PARP8: variants seen among roughly 807,000 people sequenced by gnomAD.
The protein encoded by PARP8 is protein mono-ADP-ribosyltransferase PARP8.
In PARP8, 51 loss-of-function variants were observed where a neutral mutation model predicts 124.1. The observed-to-expected ratio is 0.41, with a 90% confidence interval of 0.33 to 0.52. PARP8 has a LOEUF of 0.52. PARP8 is among the 20% of genes least tolerant of loss of function. The pLI, the probability that PARP8 is intolerant of heterozygous loss-of-function variation, is 0.21. For synonymous variants in PARP8, 391 were observed against 361.5 expected (o/e 1.08, Z -0.93); for missense variants, 860 against 1,018.9 (o/e 0.84, Z 2.12).
intron 18 of PARP8, among the ~76,000 whole-genome samples, chr5:50,825,656 C>T (rs1317990488): frequency 6.6e-6 from 1 of 152,180 alleles, no homozygotes; most frequent in East Asian, 1.9e-4. Context: ...TACTCAACAT[C>T]CCTTATAAGG....
intron 2 of PARP8, among the ~76,000 whole-genome samples, chr5:50,692,772 A>G (rs1036362503): frequency 5.3e-5 from 8 of 152,248 alleles, no homozygotes; most frequent in Admixed American, 5.2e-4. Context: ...CACCCGGCTC[A>G]TCATTCCTCT....
intron 14 of PARP8, among the ~76,000 whole-genome samples, chr5:50,798,908 A>T (rs530278437): frequency 6.6e-6 from 1 of 152,230 alleles, no homozygotes; most frequent in East Asian, 1.9e-4. Context: ...TCATATTTTT[A>T]AATTGGGTTA....
rs186540295 is a variant in PARP8, at chr5:50,826,827, C to A, written c.1977+24C>A. ...GGGTAAGTTGTTTTTTTTTTTTTTACATATGCATACAGAAATGGGAGGAGT... is the reference window on the plus strand; with the variant it reads ...GGGTAAGTTGTTTTTTTTTTTTTTAAATATGCATACAGAAATGGGAGGAGT... On this transcript the variant is annotated intron_variant, in intron 19 of 25. Transcript: ENST00000281631. 673 of 1,533,090 alleles carry A rather than the reference C, an allele frequency of 4.4e-4. 2 individuals are homozygous for A. In the African/African-American group the frequency reaches 7.9e-3, roughly 18 times the overall value. The allele number at this position is 1,533,090 out of a possible 1,614,324, so 95.0% of individuals were successfully genotyped here. A position where few individuals can be genotyped will look rare whatever the true frequency, so the allele number is the denominator to read the frequency against.
At position 50,800,006 on chromosome 5, in the gene PARP8, C is replaced by T. The variant is rs75200724; in HGVS notation, c.1575+2773C>T. 7.8e-3 allele frequency among the ~76,000 whole-genome samples: 1,183 copies of T among 152,220 alleles called. 15 individuals carry two copies. Among genetic ancestry groups the T allele is most frequent in the African/African-American group, 0.026 (1,071 of 41,522 alleles). On this transcript the variant is annotated intron_variant, in intron 14 of 25. Coordinates refer to ENST00000281631, the MANE Select transcript of PARP8 (RefSeq NM_024615.4). Reference sequence around the variant, plus strand: ...TATAAGCCACCCAGCCTATGGTATTCGATTACAGCAGCCGGAATAGACCAA... The same window carrying T: ...TATAAGCCACCCAGCCTATGGTATTTGATTACAGCAGCCGGAATAGACCAA...
Position 50,666,860 on chromosome 5 carries a change from C to G in PARP8, c.-236C>G. On this transcript the variant is annotated 5_prime_UTR_variant, in exon 1 of 26. Transcript: ENST00000281631. ...GAAATTGGAATCCAGCAGCGGCGAG[C>G]AGCAGCTGGGCGGTCACATCTGGGA... 1.5e-6 allele frequency: 2 copies of G among 1,364,254 alleles called. No homozygotes were observed. Among genetic ancestry groups the G allele is most frequent in the Non-Finnish European group, 1.9e-6 (2 of 1,058,176 alleles). 84.5% of individuals were successfully genotyped at this position (1,364,254 alleles called of 1,614,324 possible). A position where few individuals can be genotyped will look rare whatever the true frequency, so the allele number is the denominator to read the frequency against.
chr5:50,795,640 G>A (rs1742456100), intron 12 of PARP8, among the ~76,000 whole-genome samples: 1 of 152,100 alleles, frequency 6.6e-6, no homozygotes, highest in Non-Finnish European at 1.5e-5. Flanking sequence ...TTCATTTGAA[G>A]TCCAGTTCAA....
intron 2 of PARP8, among the ~76,000 whole-genome samples, chr5:50,737,988 C>T (rs990046848): frequency 3.3e-5 from 5 of 152,120 alleles, no homozygotes; most frequent in African/African-American, 9.7e-5. Context: ...AAAACATGTT[C>T]TGAAAGCTTA....
chr5:50,790,752 A>G (rs1173603110), intron 10 of PARP8, among the ~76,000 whole-genome samples: 4 of 152,162 alleles, frequency 2.6e-5, no homozygotes, highest in Admixed American at 2.0e-4. Context: ...TTAAGTACCT[A>G]GTAACATATA....
chr5:50,695,064 C>T (rs1023823691), intron 2 of PARP8, among the ~76,000 whole-genome samples: 17 of 152,138 alleles, frequency 1.1e-4, no homozygotes, highest in African/African-American at 3.6e-4. Flanking sequence ...GTCTGCCTCT[C>T]CCAGTCCACT....
chr5:50,692,282 T>G (rs373380496), intron 2 of PARP8, among the ~76,000 whole-genome samples: 1 of 152,154 alleles, frequency 6.6e-6, no homozygotes, highest in Admixed American at 6.5e-5. Flanking sequence ...CTAATCTCTA[T>G]CATATTATTT....
intron 2 of PARP8, among the ~76,000 whole-genome samples, chr5:50,697,307 C>T (rs1356100825): frequency 2.6e-5 from 4 of 151,976 alleles, no homozygotes; most frequent in Non-Finnish European, 4.4e-5. Flanking sequence ...TCATATCCTT[C>T]GGAATAAAAA....
intron 2 of PARP8, among the ~76,000 whole-genome samples, chr5:50,694,162 A>G (rs925423709): frequency 1.6e-4 from 25 of 152,122 alleles, no homozygotes; most frequent in Admixed American, 7.2e-4. Flanking sequence ...ATATTTTTGC[A>G]CTTGTCTATT....
intron 2 of PARP8, among the ~76,000 whole-genome samples, chr5:50,674,070 G>A (rs890566414): frequency 1.3e-5 from 2 of 152,070 alleles, no homozygotes; most frequent in Admixed American, 6.6e-5. Flanking sequence ...TGTTCCCCAG[G>A]AAAGACTAGT....
chr5:50,715,488 G>C (rs553323219), intron 2 of PARP8, among the ~76,000 whole-genome samples: 1 of 151,432 alleles, frequency 6.6e-6, no homozygotes, highest in South Asian at 2.1e-4. Context: ...GTGTGTCAGA[G>C]TGTCATGGTA....
rs532293043 is a variant in PARP8 at position 50,812,472 on chromosome 5, C to T, written c.1576-2960C>T. The stretch of plus-strand genomic sequence containing the variant: ...TTTTTCTTGTAAGTTTGTTTAAGTT[C>T]TTTGTAGATTCTGGATATTAGCCCT... On this transcript the variant is annotated intron_variant, in intron 14 of 25. Coordinates refer to ENST00000281631, the MANE Select transcript of PARP8 (RefSeq NM_024615.4). 6.6e-5 allele frequency among the ~76,000 whole-genome samples: 10 copies of T among 152,256 alleles called. No homozygotes were observed. The South Asian group carries it at 1.0e-3, about 16-fold the overall frequency.
chr5:50,771,346 A>G (rs1761612014), intron 7 of PARP8, among the ~76,000 whole-genome samples: 1 of 152,196 alleles, frequency 6.6e-6, no homozygotes, highest in East Asian at 1.9e-4. Flanking sequence ...TTCAGTAGAG[A>G]CGGGGTTTCA....
intron 2 of PARP8, among the ~76,000 whole-genome samples, chr5:50,679,641 C>G (rs1294119679): frequency 6.6e-6 from 1 of 152,030 alleles, no homozygotes; most frequent in Non-Finnish European, 1.5e-5. Flanking sequence ...AGTGGCGCAT[C>G]CTGGTTTTAC....
At chr5:50,740,075 T>G (rs1056872247) in intron 2 of PARP8, among the ~76,000 whole-genome samples, 3 of 152,066 alleles carry the variant, frequency 2.0e-5, no homozygotes, top group African/African-American at 7.2e-5. Context: ...TAGTAAGCAT[T>G]CATTCTACGT....
intron 25 of PARP8, among the ~76,000 whole-genome samples, chr5:50,836,031 T>C (rs1747546018): frequency 6.6e-6 from 1 of 152,206 alleles, no homozygotes; most frequent in African/African-American, 2.4e-5. Context: ...TGCTTCGGTA[T>C]ACTGTATATC....
Sources: allele counts gnomAD v4.1 joint callset (sites outside exome capture counted in the v4.1 genomes callset), GRCh38; gene constraint gnomAD v4.1.1; transcripts MANE v1.5; gene names NCBI Gene and HGNC (gene_info 2026-07-23, HGNC 2026-07-21).